The following GANC variants were observed in gnomAD, a reference collection of about 807,000 sequenced individuals.
GANC encodes glucosidase alpha, neutral C.
GANC carries 117 observed loss-of-function variants against 124.2 expected under a neutral mutation model. The ratio of observed to expected loss-of-function variants is 0.94; its 90% CI spans 0.81 to 1.10. GANC has a LOEUF of 1.10. Ranked by LOEUF, GANC falls within the 50% of genes least tolerant of loss-of-function variation. GANC has a pLI of 0.00. For missense variants in GANC, 1,140 were observed against 1,095.0 expected (o/e 1.04, Z -0.58); for synonymous variants, 377 against 376.8 (o/e 1.00, Z -0.01).
rs769764283 is a variant in GANC at position 42,310,854 on chromosome 15, C to T, written c.1057+8C>T. ...AGTACTCACACCTTACAGGTATTTG[C>T]ACGAAGAAGTGCCAGTTTCTTGTTC... On this transcript the variant is annotated splice_region_variant and intron_variant, in intron 10 of 23. Transcript: ENST00000318010. 5 of 1,604,676 alleles carry T rather than the reference C, an allele frequency of 3.1e-6. No homozygotes were observed. Among genetic ancestry groups the T allele is most frequent in the Non-Finnish European group, 3.4e-6 (4 of 1,172,178 alleles).
chr15:42,348,072 C>T (rs2052381626), intron 20 of GANC, 31 bp from the exon 21 acceptor site: 3 of 1,224,436 alleles, frequency 2.5e-6, no homozygotes, highest in East Asian at 2.5e-5. Context: ...TATATGAATA[C>T]TGCTTCCCTG....
intron 18 of GANC, among the ~76,000 whole-genome samples, chr15:42,341,567 A>ATT (rs569629807): frequency 2.8e-5 from 4 of 143,360 alleles, no homozygotes; most frequent in African/African-American, 5.1e-5. Context: ...TCTGAGTTCT[A>ATT]TTTTTTTTTT....
In GANC at chr15:42,332,879, G is replaced by A. The variant is rs557102599; in HGVS notation, c.1741+2207G>A. Among the ~76,000 whole-genome samples the A allele has an allele frequency of 1.4e-4, 21 of 149,340 alleles. 2 individuals carry two copies. The East Asian group carries it at 2.5e-3, about 18-fold the overall frequency. On this transcript the variant is annotated intron_variant, in intron 15 of 23. Coordinates refer to ENST00000318010, the MANE Select transcript of GANC (RefSeq NM_198141.3). ...AAAAAAAAAAAAAAAAAATAGCTGCGTGGTAGCGCGCACCTGTAATCCCAG... is the reference window on the plus strand; with the variant it reads ...AAAAAAAAAAAAAAAAAATAGCTGCATGGTAGCGCGCACCTGTAATCCCAG...
chr15:42,279,274 G>T (rs1009768478), intron 3 of GANC, among the ~76,000 whole-genome samples: 1 of 152,134 alleles, frequency 6.6e-6, no homozygotes, highest in East Asian at 1.9e-4. Context: ...TCTGTCAGAC[G>T]CTGTCACCCA....
intron 4 of GANC, among the ~76,000 whole-genome samples, chr15:42,288,288 C>CT (rs1371971725): frequency 2.6e-5 from 4 of 152,174 alleles, no homozygotes; most frequent in African/African-American, 9.7e-5. Flanking sequence ...TCTCAGAAGT[C>CT]TAACATGTAA....
At chr15:42,313,816 C>T in intron 10 of GANC, 1 of 511,000 alleles carries the variant, frequency 2.0e-6, no homozygotes, top group Non-Finnish European at 3.5e-6. Flanking sequence ...GCCTGTAATC[C>T]CAGTGCTTTG....
chr15:42,303,482 C>G (rs887238028), intron 6 of GANC, among the ~76,000 whole-genome samples: 1 of 152,026 alleles, frequency 6.6e-6, no homozygotes. Flanking sequence ...ATCATAATGA[C>G]AGGATCAAAT....
intron 6 of GANC, among the ~76,000 whole-genome samples, chr15:42,303,760 G>A (rs1386628827): frequency 6.6e-6 from 1 of 150,490 alleles, no homozygotes; most frequent in Non-Finnish European, 1.5e-5. Context: ...GACAAAAAAG[G>A]GCATTACATA....
chr15:42,315,582 T>A (rs907645291), intron 10 of GANC, among the ~76,000 whole-genome samples: 2 of 152,230 alleles, frequency 1.3e-5, no homozygotes, highest in African/African-American at 4.8e-5. Context: ...TGGCATTTCC[T>A]CAAAAAGTTA....
At chr15:42,320,231 G>A (rs1213295217) in intron 10 of GANC, among the ~76,000 whole-genome samples, 1 of 152,070 alleles carries the variant, frequency 6.6e-6, no homozygotes, top group African/African-American at 2.4e-5. Context: ...AGATTTTAAA[G>A]TATTTCAGAT....
At chr15:42,288,550 C>T (rs2051813258) in intron 4 of GANC, among the ~76,000 whole-genome samples, 1 of 151,916 alleles carries the variant, frequency 6.6e-6, no homozygotes, top group African/African-American at 2.4e-5. Context: ...TTATTTTTTC[C>T]ATGAAAATCT....
At chr15:42,336,681 A>G (rs897422289) in intron 15 of GANC, among the ~76,000 whole-genome samples, 7 of 152,224 alleles carry the variant, frequency 4.6e-5, no homozygotes, top group African/African-American at 1.2e-4. Context: ...GAAACTGTCA[A>G]TAGAGTTAAT....
At chr15:42,299,137 G>C (rs778407505) in intron 6 of GANC, among the ~76,000 whole-genome samples, 1 of 152,148 alleles carries the variant, frequency 6.6e-6, no homozygotes, top group Non-Finnish European at 1.5e-5. Context: ...TCCTTGTCTT[G>C]TGCCAGTTTT....
In GANC at chr15:42,284,805, A is replaced by C. The variant is rs1424632022; in HGVS notation, c.202-2886A>C. Among the ~76,000 whole-genome samples the C allele has an allele frequency of 2.6e-5, 4 of 152,154 alleles. No individual in the cohort carries two copies. In the East Asian group the frequency reaches 7.7e-4, roughly 29 times the overall value. ...CTATATGCATGTACCACCCACTGGC[A>C]TGTCTTAAATACTTCTAAGGGAGCA... On this transcript the variant is annotated intron_variant, in intron 3 of 23. Transcript: ENST00000318010.
chr15:42,288,787 G>A (rs1210109034), intron 4 of GANC, among the ~76,000 whole-genome samples: 1 of 152,100 alleles, frequency 6.6e-6, no homozygotes, highest in Non-Finnish European at 1.5e-5. Flanking sequence ...TCCTCCCAAA[G>A]TGTTGGGGTT....
chr15:42,297,920 G>T (rs2051907310), intron 6 of GANC, among the ~76,000 whole-genome samples: 1 of 152,094 alleles, frequency 6.6e-6, no homozygotes, highest in Admixed American at 6.6e-5. Context: ...TAGGCAAGGA[G>T]AATCAGCCTT....
rs1303421057 is a variant in GANC, at chr15:42,321,888, G to A, written c.1161G>A (p.Glu387=). 5 of 1,614,204 alleles carry A rather than the reference G, an allele frequency of 3.1e-6. No individual in the cohort carries two copies. The highest frequency in any genetic ancestry group is 1.7e-5 in the Admixed American group (1 of 60,030). Reference sequence around the variant, plus strand: ...AAGCAGTGGATGCAGGGTTTGATGAGCATGACATTCCTTATGATGCCATGT... The same window carrying A: ...AAGCAGTGGATGCAGGGTTTGATGAACATGACATTCCTTATGATGCCATGT... ...DVKAVDAGFD[E]HDIPYDAMWL... Residue 387 remains glutamate (E), a synonymous_variant, in exon 11 of 24, where the codon GAG becomes GAA. Transcript: ENST00000318010.
chr15:42,275,170 GTTC>G (rs2051652726), intron 1 of GANC, among the ~76,000 whole-genome samples: 1 of 152,104 alleles, frequency 6.6e-6, no homozygotes, highest in South Asian at 2.1e-4. Context: ...GAACCCAGGA[GTTC>G]AGACCAGCCT....
intron 22 of GANC, among the ~76,000 whole-genome samples, chr15:42,351,118 C>T (rs1056404163): frequency 5.3e-5 from 8 of 152,086 alleles, no homozygotes; most frequent in African/African-American, 1.9e-4. Flanking sequence ...GTGATCTGCC[C>T]ACCTCGGCCT....
Sources: gnomAD v4.1 joint callset for allele counts (sites outside exome capture counted in the v4.1 genomes callset) on GRCh38, gnomAD v4.1.1 for gene constraint, MANE v1.5 for transcripts, NCBI Gene and HGNC (gene_info 2026-07-23, HGNC 2026-07-21) for gene names.